The following LRRC63 variants were observed in gnomAD, a reference collection of about 807,000 sequenced individuals.
LRRC63 encodes leucine rich repeat containing 63.
LRRC63 carries 40 observed loss-of-function variants against 49.5 expected under a neutral mutation model. The observed-to-expected ratio is 0.81, with a 90% CI of 0.63 to 1.05. The LOEUF (loss-of-function observed/expected upper bound fraction) is 1.05, where lower values mean the gene tolerates loss of function less well. Among genes scored for constraint, LRRC63 ranks in the 50% least tolerant of loss-of-function variants. The pLI is 0.00. For synonymous variants in LRRC63, 191 were observed against 221.1 expected (o/e 0.86, Z 1.21); for missense variants, 636 against 663.1 (o/e 0.96, Z 0.45).
intron 9 of LRRC63, among the ~76,000 whole-genome samples, chr13:46,271,833 C>T (rs1320786941): frequency 6.6e-6 from 1 of 151,546 alleles, no homozygotes; most frequent in Non-Finnish European, 1.5e-5. Flanking sequence ...AGGGCTGTAA[C>T]ACATAAATAC....
chr13:46,237,792 A>T (rs1399449308), intron 5 of LRRC63, among the ~76,000 whole-genome samples: 1 of 152,146 alleles, frequency 6.6e-6, no homozygotes, highest in Admixed American at 6.5e-5. Flanking sequence ...AATGAAGGGG[A>T]TTGTAAGAGA....
At chr13:46,243,062 TA>T (rs1215707592) in intron 5 of LRRC63, among the ~76,000 whole-genome samples, 3 of 152,218 alleles carry the variant, frequency 2.0e-5, no homozygotes, top group African/African-American at 7.2e-5. Context: ...ACTTACATCT[TA>T]AATATGAAGA....
At chr13:46,216,432 G>A (rs1282782328) in intron 2 of LRRC63, among the ~76,000 whole-genome samples, 1 of 152,196 alleles carries the variant, frequency 6.6e-6, no homozygotes, top group African/African-American at 2.4e-5. Flanking sequence ...TGTTATTGGT[G>A]TATACGAATG....
intron 9 of LRRC63, among the ~76,000 whole-genome samples, chr13:46,272,115 C>T (rs1308003247): frequency 6.6e-6 from 1 of 152,182 alleles, no homozygotes; most frequent in African/African-American, 2.4e-5. Flanking sequence ...CAATGGGTAG[C>T]GTCTACAATG....
In LRRC63 at chr13:46,248,361, A is replaced by G. The variant is rs569131481; in HGVS notation, c.1089+1736A>G. Among the ~76,000 whole-genome samples the G allele has an allele frequency of 3.3e-5, 5 of 152,138 alleles. No homozygotes were observed. The East Asian group carries it at 9.6e-4, about 29-fold the overall frequency. On this transcript the variant is annotated intron_variant, in intron 6 of 9. Transcript: ENST00000595396. ...TGTACAAAATTATACAAGTTCTTAT[A>G]CAGATTCAATGATACGCTGTCTGCA...
intron 7 of LRRC63, among the ~76,000 whole-genome samples, chr13:46,252,202 T>C (rs2047401790): frequency 6.6e-6 from 1 of 152,010 alleles, no homozygotes; most frequent in Non-Finnish European, 1.5e-5. Context: ...AGGGCACTTA[T>C]ACAGTGAAGA....
intron 7 of LRRC63, among the ~76,000 whole-genome samples, chr13:46,261,547 G>T (rs1566510257): frequency 2.0e-5 from 3 of 152,130 alleles, no homozygotes. Flanking sequence ...CCTTCATTTC[G>T]ACTTCTGGCG....
chr13:46,263,337 G>A (rs1442086890), intron 8 of LRRC63, among the ~76,000 whole-genome samples: 4 of 151,842 alleles, frequency 2.6e-5, no homozygotes, highest in Admixed American at 6.6e-5. Context: ...AGCATGCCTC[G>A]CTAATTTTTT....
chr13:46,267,307 A>G (rs931012841), intron 9 of LRRC63, among the ~76,000 whole-genome samples: 9 of 152,216 alleles, frequency 5.9e-5, no homozygotes, highest in Admixed American at 2.0e-4. Flanking sequence ...CAGACACACT[A>G]TTCTAGGAGG....
intron 5 of LRRC63, among the ~76,000 whole-genome samples, chr13:46,244,860 A>G (rs991676074): frequency 6.6e-6 from 1 of 152,204 alleles, no homozygotes; most frequent in Non-Finnish European, 1.5e-5. Flanking sequence ...GCCTAAACAC[A>G]TTAGTAATTT....
intron 7 of LRRC63, among the ~76,000 whole-genome samples, chr13:46,251,182 GTC>G (rs547720394): frequency 6.6e-5 from 10 of 151,862 alleles, no homozygotes; most frequent in African/African-American, 2.4e-4. Context: ...CAAAATAAGA[GTC>G]TTATCTATAG....
At chr13:46,276,480 T>C (rs2047838953) in intron 9 of LRRC63, 110 bp from the exon 10 acceptor site, 2 of 460,624 alleles carry the variant, frequency 4.3e-6, no homozygotes, top group Middle Eastern at 5.9e-4. Flanking sequence ...ACCTAGCTGG[T>C]AAGCTCAATG....
intron 2 of LRRC63, among the ~76,000 whole-genome samples, chr13:46,213,478 T>C (rs946748571): frequency 6.6e-6 from 1 of 152,218 alleles, no homozygotes; most frequent in Non-Finnish European, 1.5e-5. Flanking sequence ...AGCTCTCATA[T>C]TGTAAACGGG....
intron 2 of LRRC63, among the ~76,000 whole-genome samples, chr13:46,214,837 CCACTTACAAGTGAGAA>C (rs1371020216): frequency 6.6e-6 from 1 of 152,154 alleles, no homozygotes; most frequent in Non-Finnish European, 1.5e-5. Flanking sequence ...TATTCAACTC[CCACTTACAAGTGAGAA>C]CACACAGTGT....
intron 7 of LRRC63, among the ~76,000 whole-genome samples, chr13:46,258,539 G>C (rs1448982761): frequency 6.6e-6 from 1 of 151,134 alleles, no homozygotes; most frequent in Non-Finnish European, 1.5e-5. Context: ...GCTGGGCATG[G>C]TGGCTCACGC....
At chr13:46,259,322 G>A (rs1251793061) in intron 7 of LRRC63, among the ~76,000 whole-genome samples, 1 of 135,520 alleles carries the variant, frequency 7.4e-6, no homozygotes, top group Non-Finnish European at 1.7e-5. Flanking sequence ...AAGGGAGGTG[G>A]GGTGAAGGAC....
At chr13:46,216,974 G>A (rs1369539210) in intron 2 of LRRC63, among the ~76,000 whole-genome samples, 1 of 152,186 alleles carries the variant, frequency 6.6e-6, no homozygotes, top group Admixed American at 6.5e-5. Flanking sequence ...GATTGTGGTG[G>A]ATAAGCTTTT....
chr13:46,240,212 T>A (rs2047020909), intron 5 of LRRC63, among the ~76,000 whole-genome samples: 1 of 151,446 alleles, frequency 6.6e-6, no homozygotes, highest in Non-Finnish European at 1.5e-5. Context: ...CTGCAAGCTC[T>A]GTCTCCCAGG....
chr13:46,227,985 T>A (rs193238777), exon 3 of LRRC63: 27 of 1,551,080 alleles, frequency 1.7e-5, no homozygotes. Flanking sequence ...GAGTCCAGGC[T>A]ATACTTATCA....
Sources: allele counts gnomAD v4.1 joint callset (sites outside exome capture counted in the v4.1 genomes callset), GRCh38; gene constraint gnomAD v4.1.1; transcripts MANE v1.5; gene names NCBI Gene and HGNC (gene_info 2026-07-23, HGNC 2026-07-21).